The following VIPR2 variants were observed in gnomAD, a reference collection of about 807,000 sequenced individuals.
VIPR2 encodes the protein vasoactive intestinal polypeptide receptor 2.
VIPR2 carries 48 observed loss-of-function variants against 58.0 expected under a neutral mutation model. That is an observed-to-expected ratio of 0.83 (90% confidence interval 0.66 to 1.05). The LOEUF is 1.05. Ranked by LOEUF, VIPR2 falls within the 50% of genes least tolerant of loss-of-function variation. VIPR2 has a pLI of 0.00. For missense variants in VIPR2, 534 were observed against 558.0 expected (o/e 0.96, Z 0.43); for synonymous variants, 243 against 235.2 (o/e 1.03, Z -0.30).
At chr7:159,101,249 G>A (rs1248420515) in intron 4 of VIPR2, among the ~76,000 whole-genome samples, 3 of 144,758 alleles carry the variant, frequency 2.1e-5, no homozygotes, top group East Asian at 2.1e-4. Flanking sequence ...GATAGTGAAC[G>A]GGTCTCACGA....
Position 159,035,955 on chromosome 7 carries a change from G to A in VIPR2, c.806C>T (p.Thr269Ile), listed in dbSNP as rs773540274. 3 of 1,613,680 alleles carry A rather than the reference G, an allele frequency of 1.9e-6. No individual in the cohort carries two copies. The highest frequency in any genetic ancestry group is 2.5e-6 in the Non-Finnish European group (3 of 1,179,794). The change falls in exon 8 of 13, where the codon ACC (threonine) becomes ATC (isoleucine). Residue 269 changes from threonine (T) to isoleucine (I), a missense_variant. This residue lies in a region of VIPR2 where 306 missense variants were observed against 285.8 expected (regional missense o/e 1.07). Transcript: ENST00000262178. Reference protein sequence around the residue: ...WTAARLYLEDTGCWDTNDHSV... With the variant: ...WTAARLYLEDIGCWDTNDHSV... ...TGCAGTCTGGTCATGGACTCACCCG[G>A]TGTCTTCTAAGTAGAGCCTGGCCGC...
chr7:159,040,584 C>T (rs1017131642), intron 6 of VIPR2, among the ~76,000 whole-genome samples: 6 of 152,234 alleles, frequency 3.9e-5, no homozygotes, highest in African/African-American at 1.4e-4. Context: ...AACTGTTCAT[C>T]TTCTTGGCTG....
intron 5 of VIPR2, among the ~76,000 whole-genome samples, chr7:159,050,394 A>G (rs1034920312): frequency 1.3e-5 from 2 of 151,710 alleles, no homozygotes; most frequent in Non-Finnish European, 2.9e-5. Context: ...CCCAGACAAT[A>G]GCGATTCAGA....
Position 159,128,769 on chromosome 7 carries a change from T to C in VIPR2, c.151+13677A>G, listed in dbSNP as rs561477078. On this transcript the variant is annotated intron_variant, in intron 2 of 12. Transcript: ENST00000262178. This position sits in a 1 kb window ranked among gnomAD's most constrained non-coding sequence, Gnocchi z 4.1. ...GGACCTTCCTGAAACACAGCTCACATGCGAACCCCACTTCTCAGGAGCCTT... is the reference window on the plus strand; with the variant it reads ...GGACCTTCCTGAAACACAGCTCACACGCGAACCCCACTTCTCAGGAGCCTT... Among the ~76,000 whole-genome samples the C allele has an allele frequency of 3.5e-4, 53 of 152,150 alleles. No homozygotes were observed. The highest frequency in any genetic ancestry group is 6.2e-4 in the Non-Finnish European group (42 of 68,010).
In VIPR2 at chr7:159,094,646, C is replaced by T. The variant is rs111568305; in HGVS notation, c.357+9111G>A. On this transcript the variant is annotated intron_variant, in intron 4 of 12. Coordinates refer to ENST00000262178, the MANE Select transcript of VIPR2 (RefSeq NM_003382.5). ...CTTCTTTGCAGGGTGGCATCCGGCTCTGGTGGTGACGTTTTAAAGACGAAG... is the reference window on the plus strand; with the variant it reads ...CTTCTTTGCAGGGTGGCATCCGGCTTTGGTGGTGACGTTTTAAAGACGAAG... Among the ~76,000 whole-genome samples, 4 of 152,310 alleles carry T rather than the reference C, an allele frequency of 2.6e-5. 1 individual carries two copies. The highest frequency in any genetic ancestry group is 9.6e-5 in the African/African-American group (4 of 41,572).
intron 3 of VIPR2, among the ~76,000 whole-genome samples, chr7:159,106,875 T>TCAGGGAGGTGCAGAAAGAGGC (rs1301806830): frequency 2.2e-5 from 2 of 92,910 alleles, no homozygotes; most frequent in East Asian, 3.4e-4. Context: ...GGCAGAGAGA[T>TCAGGGAGGTGCAGAAAGAGGC]CAGGGAGGTG....
At position 159,029,609 on chromosome 7, in the gene VIPR2, C is replaced by T. The variant is rs781004599; in HGVS notation, c.*1007G>A. On this transcript the variant is annotated 3_prime_UTR_variant, in exon 13 of 13. Transcript: ENST00000262178. ...ATCACCAGGGGCCCGCAGGCCTGGC[C>T]GCAGCTGGCCTGGGGCTGAGCGTCA... 10 of 152,252 alleles carry T rather than the reference C, an allele frequency of 6.6e-5. No individual in the cohort carries two copies. Among genetic ancestry groups the T allele is most frequent in the Admixed American group, 2.0e-4 (3 of 15,286 alleles). 9.4% of individuals were successfully genotyped at this position (152,252 alleles called of 1,614,324 possible). A position where few individuals can be genotyped will look rare whatever the true frequency, so the allele number is the denominator to read the frequency against.
Position 159,036,747 on chromosome 7 carries a change from C to T in VIPR2, c.748+5G>A, listed in dbSNP as rs1276854726. Reference sequence around the variant, plus strand: ...GGGTTTGTGGGTGGGAAGGGGCACACTTACCCCATCCGATCAGGAGGTAGG... The same window carrying T: ...GGGTTTGTGGGTGGGAAGGGGCACATTTACCCCATCCGATCAGGAGGTAGG... On this transcript the variant is annotated splice_donor_5th_base_variant and intron_variant, in intron 7 of 12. Transcript: ENST00000262178. 3 of 1,611,926 alleles carry T rather than the reference C, an allele frequency of 1.9e-6. No individual in the cohort carries two copies. The highest frequency in any genetic ancestry group is 2.2e-5 in the East Asian group (1 of 44,860).
intron 4 of VIPR2, among the ~76,000 whole-genome samples, chr7:159,083,875 ACT>A (rs1197315493): frequency 6.6e-6 from 1 of 152,088 alleles, no homozygotes; most frequent in African/African-American, 2.4e-5. Context: ...GGGGCTCCTG[ACT>A]CTGCGTCTGC....
At chr7:159,114,205 G>C (rs192025110) in intron 2 of VIPR2, among the ~76,000 whole-genome samples, 102 of 152,204 alleles carry the variant, frequency 6.7e-4, no homozygotes, top group Non-Finnish European at 1.2e-3. Flanking sequence ...AACCCTTTGG[G>C]AGAGGCAGCG....
chr7:159,034,252 G>A lies in VIPR2; in HGVS notation c.932C>T (p.Thr311Ile). 6.2e-7 allele frequency: 1 copy of A among 1,614,110 alleles called. No individual in the cohort carries two copies. Among genetic ancestry groups the A allele is most frequent in the Non-Finnish European group, 8.5e-7 (1 of 1,180,018 alleles). ...SIIRILLQKL[T>I]SPDVGGNDQS... ...GTCGTTGCCGCCGACATCTGGGGATGTTAACTTCTGCAGCAAAATTCGTAT... is the reference window on the plus strand; with the variant it reads ...GTCGTTGCCGCCGACATCTGGGGATATTAACTTCTGCAGCAAAATTCGTAT... Residue 311 changes from threonine (T) to isoleucine (I), a missense_variant, in exon 10 of 13, where the codon ACA (threonine) becomes ATA (isoleucine). This residue lies in a region of VIPR2 where 306 missense variants were observed against 285.8 expected (regional missense o/e 1.07). Coordinates refer to ENST00000262178, the MANE Select transcript of VIPR2 (RefSeq NM_003382.5).
At chr7:159,123,105 T>C (rs530735523) in intron 2 of VIPR2, among the ~76,000 whole-genome samples, 2 of 151,900 alleles carry the variant, frequency 1.3e-5, no homozygotes, top group African/African-American at 4.8e-5. Context: ...CCATCCTGGC[T>C]AACATGGTGA....
In VIPR2 at chr7:159,127,875, G is replaced by A. The variant is rs1220556035; in HGVS notation, c.151+14571C>T. 6.6e-6 allele frequency among the ~76,000 whole-genome samples: 1 copy of A among 152,166 alleles called. No homozygotes were observed. The highest frequency in any genetic ancestry group is 2.4e-5 in the African/African-American group (1 of 41,444). ...CAGGGGCTTAGGGCTGGGGCCACGC[G>A]AGGCCTTGGAGAGGGTGAACATTCA... On this transcript the variant is annotated intron_variant, in intron 2 of 12. Coordinates refer to ENST00000262178, the MANE Select transcript of VIPR2 (RefSeq NM_003382.5). The surrounding 1 kb of genome is among the most constrained non-coding windows in gnomAD (Gnocchi z 4.6).
At position 159,089,797 on chromosome 7, in the gene VIPR2, G is replaced by A. The variant is rs149739727; in HGVS notation, c.357+13960C>T. On this transcript the variant is annotated intron_variant, in intron 4 of 12. Coordinates refer to ENST00000262178, the MANE Select transcript of VIPR2 (RefSeq NM_003382.5). ...CTCACTGGCTGTACACTGCATACAGGATGGCAGGAGGAGGCAGCATTTCTG... is the reference window on the plus strand; with the variant it reads ...CTCACTGGCTGTACACTGCATACAGAATGGCAGGAGGAGGCAGCATTTCTG... Among the ~76,000 whole-genome samples, 400 of 152,360 alleles carry A rather than the reference G, an allele frequency of 2.6e-3. 1 individual carries two copies. The highest frequency in any genetic ancestry group is 2.6e-3 in the Non-Finnish European group (175 of 68,034).
chr7:159,039,695 C>T (rs1047924288), intron 6 of VIPR2, among the ~76,000 whole-genome samples: 2 of 152,076 alleles, frequency 1.3e-5, no homozygotes, highest in African/African-American at 2.4e-5. Context: ...AAGTCAGACC[C>T]GAATCTGGTG....
chr7:159,034,188 C>A, intron 10 of VIPR2, 25 bp downstream of exon 10: 1 of 1,610,902 alleles, frequency 6.2e-7, no homozygotes, highest in Non-Finnish European at 8.5e-7. Flanking sequence ...CCATCAGGGA[C>A]GGCCAGGCCG....
At chr7:159,050,597 G>A (rs1585365249) in intron 5 of VIPR2, among the ~76,000 whole-genome samples, 1 of 151,854 alleles carries the variant, frequency 6.6e-6, no homozygotes, top group Non-Finnish European at 1.5e-5. Context: ...ACCATGAATT[G>A]GATCAGTAGT....
chr7:159,109,913 C>T lies in VIPR2; in HGVS notation c.158G>A (p.Ser53Asn). The T allele has an allele frequency of 6.2e-7, 1 of 1,613,626 alleles. No homozygotes were observed. The change falls in exon 3 of 13, where the codon AGT (serine) becomes AAT (asparagine). Residue 53 changes from serine to asparagine, a missense_variant. Ser to Asn is a conservative substitution (Grantham distance 46, BLOSUM62 1). Around this residue, in one of 3 missense-constraint regions of VIPR2, gnomAD observed 224 missense variants for 255.7 expected, o/e 0.88. Coordinates refer to ENST00000262178, the MANE Select transcript of VIPR2 (RefSeq NM_003382.5). ...GCACGTGATGTTGTCCCAGACGCCA[C>T]TGCAGGCTGGAAGGAGAGAAGCAGA... Reference protein sequence around the residue: ...RSQTEKHKACSGVWDNITCWR... With the variant: ...RSQTEKHKACNGVWDNITCWR...
At position 159,103,851 on chromosome 7, in the gene VIPR2, T is replaced by C. The variant is rs1858455740; in HGVS notation, c.263A>G (p.Asn88Ser). 3 of 1,613,720 alleles carry C rather than the reference T, an allele frequency of 1.9e-6. No individual in the cohort carries two copies. Among genetic ancestry groups the C allele is most frequent in the Non-Finnish European group, 2.5e-6 (3 of 1,179,750 alleles). The part of the protein sequence containing the change: ...VFSNFYSKAG[N>S]ISKNCTSDGW... The stretch of plus-strand genomic sequence containing the variant: ...GTCACTCGTACAGTTTTTGCTTATG[T>C]TTCCTGGAAAGTGAAGTTCAGATAT... The change falls in exon 4 of 13, where the codon AAC becomes AGC. Residue 88 changes from asparagine to serine, a missense_variant. Physicochemically the swap from Asn to Ser is conservative, Grantham distance 46. Coordinates refer to ENST00000262178, the MANE Select transcript of VIPR2 (RefSeq NM_003382.5).
Sources: gnomAD v4.1 joint callset for allele counts (sites outside exome capture counted in the v4.1 genomes callset) on GRCh38, gnomAD v4.1.1 for gene constraint, gnomAD v4.1.1 regional missense constraint, Gnocchi (gnomAD v3.1) non-coding constraint, MANE v1.5 for transcripts, NCBI Gene and HGNC (gene_info 2026-07-23, HGNC 2026-07-21) for gene names.